FLT3: variants seen among roughly 807,000 people sequenced by gnomAD.
FLT3 encodes fms related receptor tyrosine kinase 3, also known as receptor-type tyrosine-protein kinase FLT3.
Under a neutral mutation model 126.6 loss-of-function variants are expected in FLT3, and 46 were observed. The ratio of observed to expected loss-of-function variants is 0.36; its 90% CI spans 0.29 to 0.46. FLT3 has a LOEUF of 0.46. Among genes scored for constraint, FLT3 ranks in the 20% least tolerant of loss-of-function variants. FLT3 has a pLI of 1.00. For synonymous variants in FLT3, 404 were observed against 434.4 expected, an observed-to-expected ratio of 0.93 and a Z score of 0.87; for missense variants, 1,069 against 1,190.3, an observed-to-expected ratio of 0.90 and a Z score of 1.50.
rs1458423536 is a variant in FLT3, at chr13:28,058,212, AAAAAAAAC to A, written c.369-758_369-751del. On this transcript the variant is annotated intron_variant, in intron 3 of 23. Transcript: ENST00000241453. ...TACCTCTATTTTTTAAAAATTAAAA[AAAAAAAAC>A]AAAAAAAAAAACGGCCAGGTACAGT... 7.7e-5 allele frequency among the ~76,000 whole-genome samples: 7 copies of A among 90,972 alleles called. 1 individual carries two copies. In the East Asian group the frequency reaches 2.0e-3, roughly 26 times the overall value. 59.7% of individuals were successfully genotyped at this position (90,972 alleles called of 152,430 possible).
chr13:28,025,215 G>A, intron 17 of FLT3: 2 of 474,374 alleles, frequency 4.2e-6, no homozygotes, highest in Admixed American at 3.7e-5. Context: ...CTATGAGATG[G>A]GTGGCATTTT....
At chr13:28,099,563 G>A (rs1415409050) in intron 1 of FLT3, among the ~76,000 whole-genome samples, 1 of 152,176 alleles carries the variant, frequency 6.6e-6, no homozygotes, top group Non-Finnish European at 1.5e-5. Flanking sequence ...CTGCACAGAT[G>A]AGGACGCGGA....
intron 2 of FLT3, among the ~76,000 whole-genome samples, chr13:28,065,486 TAA>T (rs1207679567): frequency 1.3e-5 from 2 of 151,536 alleles, no homozygotes; most frequent in Non-Finnish European, 2.9e-5. Context: ...TACAAAAAAT[TAA>T]AAAATTAGCC....
chr13:28,087,405 A>T (rs747745199), intron 1 of FLT3, among the ~76,000 whole-genome samples: 10 of 152,228 alleles, frequency 6.6e-5, no homozygotes, highest in South Asian at 2.1e-4. Flanking sequence ...CATGACAAGA[A>T]GTCTGCCAAA....
chr13:28,081,233 C>T (rs1219487658), intron 1 of FLT3, among the ~76,000 whole-genome samples: 1 of 152,102 alleles, frequency 6.6e-6, no homozygotes, highest in Non-Finnish European at 1.5e-5. Flanking sequence ...GACATTATAA[C>T]AATATTGAGT....
At chr13:28,032,940 G>A (rs972220629) in intron 15 of FLT3, among the ~76,000 whole-genome samples, 2 of 152,176 alleles carry the variant, frequency 1.3e-5, no homozygotes. Flanking sequence ...CTGGGTCAGC[G>A]GTGGTAACGG....
At chr13:28,085,194 A>G (rs886553267) in intron 1 of FLT3, among the ~76,000 whole-genome samples, 1 of 150,710 alleles carries the variant, frequency 6.6e-6, no homozygotes, top group Non-Finnish European at 1.5e-5. Flanking sequence ...AATACAAAAA[A>G]TTAGCTGGGC....
At chr13:28,037,965 C>G (rs533085655) in intron 9 of FLT3, among the ~76,000 whole-genome samples, 11 of 152,302 alleles carry the variant, frequency 7.2e-5, no homozygotes, top group Admixed American at 3.3e-4. Flanking sequence ...CCCCTACCCC[C>G]AATCTATGGA....
intron 20 of FLT3, among the ~76,000 whole-genome samples, chr13:28,018,092 T>A (rs1356087520): frequency 6.6e-6 from 1 of 152,246 alleles, no homozygotes; most frequent in African/African-American, 2.4e-5. Context: ...AGTGCTTTAT[T>A]GTGACTATTA....
At chr13:28,071,924 C>A (rs1877554832) in intron 1 of FLT3, among the ~76,000 whole-genome samples, 1 of 152,110 alleles carries the variant, frequency 6.6e-6, no homozygotes, top group Non-Finnish European at 1.5e-5. Flanking sequence ...GATCCCCCTG[C>A]CTTGGCCTCC....
intron 9 of FLT3, among the ~76,000 whole-genome samples, chr13:28,042,046 C>A (rs983734339): frequency 1.3e-4 from 20 of 151,612 alleles, no homozygotes; most frequent in African/African-American, 4.6e-4. Flanking sequence ...CCCAGCTATT[C>A]GGGAGGCTGA....
chr13:28,033,902 C>T lies in FLT3; in HGVS notation c.1927G>A (p.Val643Ile), dbSNP rs762198688. 9.3e-6 allele frequency: 15 copies of T among 1,613,798 alleles called. No individual in the cohort carries two copies. Among genetic ancestry groups the T allele is most frequent in the East Asian group, 2.2e-5 (1 of 44,876 alleles). ...TATACTGTACCTTTCAGCATTTTGA[C>T]GGCAACCTGGATTGAGACTCCTGTT... is the stretch of plus-strand genomic sequence containing the variant. ...SKTGVSIQVAVKMLKEKADSS... is the reference protein window; with the variant it reads ...SKTGVSIQVAIKMLKEKADSS... Residue 643 changes from valine to isoleucine, a missense_variant, in exon 15 of 24, where the codon GTC becomes ATC. Transcript: ENST00000241453.
At chr13:28,015,504 G>T in intron 21 of FLT3, 86 bp downstream of exon 21, 1 of 737,646 alleles carries the variant, frequency 1.4e-6, no homozygotes. Context: ...AGACCCATCA[G>T]TGTTGGGGGG....
At chr13:28,025,521 T>A in intron 17 of FLT3, 5 of 325,984 alleles carry the variant, frequency 1.5e-5, no homozygotes, top group South Asian at 1.2e-4. Context: ...ATTCAATTTA[T>A]TCTAATATAC....
intron 1 of FLT3, among the ~76,000 whole-genome samples, chr13:28,076,447 T>C (rs1204479823): frequency 6.6e-6 from 1 of 152,112 alleles, no homozygotes; most frequent in Non-Finnish European, 1.5e-5. Flanking sequence ...GAAAAGCCAG[T>C]AACGTGTCCC....
chr13:28,040,656 AC>A (rs1247032172), intron 9 of FLT3, among the ~76,000 whole-genome samples: 1 of 152,150 alleles, frequency 6.6e-6, no homozygotes, highest in Non-Finnish European at 1.5e-5. Context: ...TGTATTGTGA[AC>A]AAGAGAATTC....
At chr13:28,028,931 G>A (rs1873065786) in intron 15 of FLT3, among the ~76,000 whole-genome samples, 1 of 151,756 alleles carries the variant, frequency 6.6e-6, no homozygotes, top group African/African-American at 2.4e-5. Context: ...ACAAGCACAG[G>A]CCATCATGCC....
At chr13:28,096,586 G>A (rs759723495) in intron 1 of FLT3, among the ~76,000 whole-genome samples, 5 of 151,950 alleles carry the variant, frequency 3.3e-5, no homozygotes, top group Non-Finnish European at 7.4e-5. Flanking sequence ...ACAAGCGTCT[G>A]CCACCACGCC....
At chr13:28,028,094 A>C in intron 16 of FLT3, 84 bp downstream of exon 16, 1 of 630,372 alleles carries the variant, frequency 1.6e-6, no homozygotes. Context: ...TTAAAAAGAG[A>C]GAGAGAGAGA....
Sources: gnomAD v4.1 joint callset for allele counts (sites outside exome capture counted in the v4.1 genomes callset) on GRCh38, gnomAD v4.1.1 for gene constraint, MANE v1.5 for transcripts, NCBI Gene and HGNC (gene_info 2026-07-23, HGNC 2026-07-21) for gene names.